The following DACH1 variants were observed in gnomAD, a reference collection of about 807,000 sequenced individuals.
DACH1 encodes the protein dachshund homolog 1.
In DACH1, 12 loss-of-function variants were observed where a neutral mutation model predicts 54.2. The observed-to-expected ratio is 0.22, with a 90% CI of 0.14 to 0.36. DACH1 has a LOEUF of 0.36. Ranked by LOEUF, DACH1 falls within the 10% of genes least tolerant of loss-of-function variation. The pLI, the probability that DACH1 is intolerant of heterozygous loss-of-function variation, is 1.00. For missense variants in DACH1, 805 were observed against 929.8 expected, an observed-to-expected ratio of 0.87 and a Z score of 1.75; for synonymous variants, 386 against 366.2, an observed-to-expected ratio of 1.05 and a Z score of -0.62.
chr13:71,860,014 C>A (rs1874244855), intron 1 of DACH1, among the ~76,000 whole-genome samples: 1 of 151,844 alleles, frequency 6.6e-6, no homozygotes, highest in African/African-American at 2.4e-5. Flanking sequence ...CTTATCTGAG[C>A]TCCATTAGGT....
At chr13:71,606,641 T>G (rs538153854) in intron 3 of DACH1, among the ~76,000 whole-genome samples, 1 of 152,064 alleles carries the variant, frequency 6.6e-6, no homozygotes, top group African/African-American at 2.4e-5. Context: ...ATGCCAACAC[T>G]GAATTGTTTT....
At chr13:71,535,597 T>C (rs925861569) in intron 6 of DACH1, among the ~76,000 whole-genome samples, 29 of 152,022 alleles carry the variant, frequency 1.9e-4, no homozygotes, top group African/African-American at 6.8e-4. Context: ...GGCGCATTTT[T>C]TTCCCCCCAA....
chr13:71,540,896 T>C (rs966741767), intron 6 of DACH1, among the ~76,000 whole-genome samples: 3 of 151,964 alleles, frequency 2.0e-5, no homozygotes, highest in Non-Finnish European at 4.4e-5. Flanking sequence ...TAAAAATATA[T>C]GATTGTTTAT....
chr13:71,699,774 T>A (rs1294188639), intron 1 of DACH1, among the ~76,000 whole-genome samples: 1 of 152,178 alleles, frequency 6.6e-6, no homozygotes, highest in Non-Finnish European at 1.5e-5. Context: ...TGCATATTGG[T>A]CTTATTTATA....
intron 10 of DACH1, among the ~76,000 whole-genome samples, chr13:71,466,719 G>A (rs1238141269): frequency 4.0e-5 from 6 of 151,716 alleles, no homozygotes; most frequent in African/African-American, 9.7e-5. Flanking sequence ...CACACACAAC[G>A]TCTGTGGTCC....
At chr13:71,528,062 A>G (rs1344968366) in intron 6 of DACH1, among the ~76,000 whole-genome samples, 1 of 152,200 alleles carries the variant, frequency 6.6e-6, no homozygotes, top group Non-Finnish European at 1.5e-5. Context: ...TGAATGTAAG[A>G]TAATCTACAA....
intron 3 of DACH1, among the ~76,000 whole-genome samples, chr13:71,619,875 C>T (rs901968628): frequency 6.6e-6 from 1 of 151,780 alleles, no homozygotes; most frequent in Non-Finnish European, 1.5e-5. Flanking sequence ...TATTTACACT[C>T]ATTTTGATAC....
At chr13:71,802,436 T>G (rs912796612) in intron 1 of DACH1, among the ~76,000 whole-genome samples, 3 of 152,038 alleles carry the variant, frequency 2.0e-5, no homozygotes, top group Admixed American at 2.0e-4. Context: ...ATAAAGCATA[T>G]TTAATCTGTT....
Position 71,796,587 on chromosome 13 carries a change from T to C in DACH1, c.848+69335A>G, listed in dbSNP as rs537684359. 3.3e-5 allele frequency among the ~76,000 whole-genome samples: 5 copies of C among 152,210 alleles called. No individual in the cohort carries two copies. In the South Asian group the frequency reaches 1.0e-3, roughly 32 times the overall value. On this transcript the variant is annotated intron_variant, in intron 1 of 10. Transcript: ENST00000613252. ...AACATCTCCCAAGGCATGTTTATGA[T>C]AAAAAGTGTCTCACTTGGCCGGTAA...
At chr13:71,503,628 C>A (rs1880090099) in intron 6 of DACH1, among the ~76,000 whole-genome samples, 1 of 152,194 alleles carries the variant, frequency 6.6e-6, no homozygotes, top group South Asian at 2.1e-4. Flanking sequence ...GCAAAAGAGA[C>A]TAAGTAAATG....
intron 1 of DACH1, among the ~76,000 whole-genome samples, chr13:71,731,175 G>A (rs925818972): frequency 6.6e-6 from 1 of 151,742 alleles, no homozygotes; most frequent in Non-Finnish European, 1.5e-5. Flanking sequence ...GATAAGCCTG[G>A]GTTAAAAATA....
chr13:71,851,482 T>C (rs139449025), intron 1 of DACH1, among the ~76,000 whole-genome samples: 18 of 152,314 alleles, frequency 1.2e-4, no homozygotes, highest in African/African-American at 4.3e-4. Context: ...GAATAGTTTC[T>C]TTTCCTTTAG....
At position 71,653,979 on chromosome 13, in the gene DACH1, C is replaced by T. The variant is rs148544512; in HGVS notation, c.965-23262G>A. 4.6e-4 allele frequency among the ~76,000 whole-genome samples: 70 copies of T among 152,134 alleles called. 1 individual carries two copies. The highest frequency in any genetic ancestry group is 1.0e-3 in the African/African-American group (42 of 41,500). On this transcript the variant is annotated intron_variant, in intron 2 of 10. Transcript: ENST00000613252. The stretch of plus-strand genomic sequence containing the variant: ...ACTGTGTGCTCAAAACTATAGTCAG[C>T]GTTCTGTTAATAATTGTACTACATC...
intron 6 of DACH1, among the ~76,000 whole-genome samples, chr13:71,493,411 G>A (rs1387355483): frequency 2.0e-5 from 3 of 152,104 alleles, no homozygotes; most frequent in African/African-American, 7.2e-5. Context: ...GCAATCCCAT[G>A]AGACCTTAAA....
At chr13:71,458,196 A>T (rs762917693) in intron 10 of DACH1, among the ~76,000 whole-genome samples, 6 of 151,604 alleles carry the variant, frequency 4.0e-5, no homozygotes, top group South Asian at 2.1e-4. Flanking sequence ...TTCAGAATTT[A>T]AAAAAAACAG....
intron 6 of DACH1, among the ~76,000 whole-genome samples, chr13:71,504,557 A>T (rs1880164900): frequency 6.6e-6 from 1 of 152,130 alleles, no homozygotes; most frequent in South Asian, 2.1e-4. Context: ...CTAAGGGGAG[A>T]GAGGTTAGAA....
At chr13:71,693,468 AAT>A (rs1491205564) in intron 1 of DACH1, among the ~76,000 whole-genome samples, 4 of 134,976 alleles carry the variant, frequency 3.0e-5, no homozygotes, top group African/African-American at 1.0e-4. Flanking sequence ...ACGCCCGGCA[AAT>A]TTTTTTTTTT....
At chr13:71,753,753 T>G (rs1885022250) in intron 1 of DACH1, among the ~76,000 whole-genome samples, 1 of 152,192 alleles carries the variant, frequency 6.6e-6, no homozygotes, top group Non-Finnish European at 1.5e-5. Flanking sequence ...TGGTTTATTC[T>G]TTTTTGGATT....
intron 1 of DACH1, among the ~76,000 whole-genome samples, chr13:71,803,468 T>C (rs1042281882): frequency 6.6e-6 from 1 of 152,202 alleles, no homozygotes; most frequent in Non-Finnish European, 1.5e-5. Flanking sequence ...TTCTTGTTTA[T>C]ATGCGACCAA....
Sources: allele counts gnomAD v4.1 joint callset (sites outside exome capture counted in the v4.1 genomes callset), GRCh38; gene constraint gnomAD v4.1.1; transcripts MANE v1.5; gene names NCBI Gene and HGNC (gene_info 2026-07-23, HGNC 2026-07-21).